EPHA3: variants seen among roughly 807,000 people sequenced by gnomAD.
The protein encoded by EPHA3 is ephrin type-A receptor 3.
Under a neutral mutation model 107.1 loss-of-function variants are expected in EPHA3, and 42 were observed. The ratio of observed to expected loss-of-function variants is 0.39; its 90% CI spans 0.31 to 0.51. The LOEUF is 0.51. Among genes scored for constraint, EPHA3 ranks in the 20% least tolerant of loss-of-function variants. EPHA3 has a pLI of 0.78. For missense variants in EPHA3, 1,183 were observed against 1,211.2 expected (o/e 0.98, Z 0.35); for synonymous variants, 461 against 424.8 (o/e 1.09, Z -1.05).
At chr3:89,388,448 A>G (rs1301732522) in intron 5 of EPHA3, among the ~76,000 whole-genome samples, 1 of 152,202 alleles carries the variant, frequency 6.6e-6, no homozygotes, top group African/African-American at 2.4e-5. Context: ...ACTATTGCCT[A>G]AGGGACTCAG....
chr3:89,369,147 G>A (rs1184883088), intron 5 of EPHA3, among the ~76,000 whole-genome samples: 1 of 150,144 alleles, frequency 6.7e-6, no homozygotes, highest in Non-Finnish European at 1.5e-5. Flanking sequence ...CTCAAGGAAT[G>A]GTAAGAAGGA....
chr3:89,460,823 C>CTCTTTTTTTTTTTTTCTTT (rs1199238290), intron 15 of EPHA3, among the ~76,000 whole-genome samples: 1 of 103,034 alleles, frequency 9.7e-6, no homozygotes, highest in Admixed American at 9.7e-5. Flanking sequence ...CTCTGTCTCT[C>CTCTTTTTTTTTTTTTCTTT]TTTTTTTTTT....
intron 2 of EPHA3, among the ~76,000 whole-genome samples, chr3:89,165,342 A>G (rs555880182): frequency 2.5e-4 from 38 of 152,308 alleles, no homozygotes; most frequent in African/African-American, 8.9e-4. Flanking sequence ...AATCCACCCA[A>G]CATATATTAT....
At chr3:89,346,504 G>T (rs1344529109) in intron 5 of EPHA3, among the ~76,000 whole-genome samples, 1 of 148,166 alleles carries the variant, frequency 6.7e-6, no homozygotes, top group Non-Finnish European at 1.5e-5. Flanking sequence ...GTTCATTGTA[G>T]ATTCTGGATA....
chr3:89,170,211 G>C (rs1224344238), intron 2 of EPHA3, among the ~76,000 whole-genome samples: 1 of 150,642 alleles, frequency 6.6e-6, no homozygotes. Flanking sequence ...AGCAGAGATC[G>C]CGCCACTGCA....
intron 15 of EPHA3, among the ~76,000 whole-genome samples, chr3:89,469,643 T>C (rs1046456412): frequency 6.6e-6 from 1 of 152,216 alleles, no homozygotes; most frequent in African/African-American, 2.4e-5. Context: ...ATTTGCTTCA[T>C]AGATTTTCTC....
chr3:89,145,655 A>G (rs552800410), intron 2 of EPHA3, among the ~76,000 whole-genome samples: 83 of 151,956 alleles, frequency 5.5e-4, no homozygotes, highest in African/African-American at 1.6e-3. Flanking sequence ...TCTATTTCAA[A>G]TAATGTATTA....
chr3:89,258,426 G>A (rs1347863524), intron 3 of EPHA3, among the ~76,000 whole-genome samples: 1 of 152,134 alleles, frequency 6.6e-6, no homozygotes, highest in Non-Finnish European at 1.5e-5. Context: ...TGATAATGTT[G>A]TGCTTATGAG....
intron 2 of EPHA3, among the ~76,000 whole-genome samples, chr3:89,139,094 T>C (rs1704374195): frequency 6.6e-6 from 1 of 151,874 alleles, no homozygotes; most frequent in Non-Finnish European, 1.5e-5. Context: ...AGCTAATTTT[T>C]TAAAAAATGT....
At chr3:89,123,867 G>A (rs1704027147) in intron 1 of EPHA3, among the ~76,000 whole-genome samples, 1 of 152,034 alleles carries the variant, frequency 6.6e-6, no homozygotes, top group Non-Finnish European at 1.5e-5. Flanking sequence ...AAAATAATGT[G>A]TTTTCTGTTA....
chr3:89,270,032 C>T (rs988078904), intron 3 of EPHA3, among the ~76,000 whole-genome samples: 3 of 151,712 alleles, frequency 2.0e-5, no homozygotes, highest in African/African-American at 7.3e-5. Flanking sequence ...AGTAGCTCTT[C>T]GATGGGGCTG....
intron 11 of EPHA3, among the ~76,000 whole-genome samples, chr3:89,425,453 C>A (rs546165827): frequency 3.4e-5 from 5 of 146,436 alleles, no homozygotes; most frequent in Admixed American, 1.4e-4. Flanking sequence ...AGATTGCTAG[C>A]GGCTAAGGTC....
chr3:89,423,385 A>G (rs1709392110), intron 11 of EPHA3, among the ~76,000 whole-genome samples: 1 of 151,302 alleles, frequency 6.6e-6, no homozygotes, highest in Non-Finnish European at 1.5e-5. Context: ...AGAGGTCATC[A>G]TTTAGTAACA....
chr3:89,456,450 C>T (rs1710099264), intron 15 of EPHA3, among the ~76,000 whole-genome samples: 1 of 152,014 alleles, frequency 6.6e-6, no homozygotes, highest in Middle Eastern at 3.4e-3. Context: ...TTATTTTTTT[C>T]TTGGTGGCTA....
intron 5 of EPHA3, among the ~76,000 whole-genome samples, chr3:89,347,300 G>A (rs1707689678): frequency 6.8e-6 from 1 of 146,308 alleles, no homozygotes; most frequent in African/African-American, 2.5e-5. Flanking sequence ...TCTTTGAGCA[G>A]TGGTTTGTAG....
At chr3:89,365,326 T>C (rs1336940994) in intron 5 of EPHA3, among the ~76,000 whole-genome samples, 2 of 150,604 alleles carry the variant, frequency 1.3e-5, no homozygotes, top group African/African-American at 4.8e-5. Flanking sequence ...GAAAGGGCAA[T>C]GGTGGATGGA....
intron 2 of EPHA3, among the ~76,000 whole-genome samples, chr3:89,153,318 A>G (rs972690809): frequency 2.6e-5 from 4 of 152,078 alleles, no homozygotes; most frequent in Non-Finnish European, 5.9e-5. Context: ...GTCCTTCTTC[A>G]TTGACTTTGC....
intron 3 of EPHA3, among the ~76,000 whole-genome samples, chr3:89,242,566 C>A (rs552248801): frequency 1.2e-3 from 185 of 151,828 alleles, no homozygotes; most frequent in African/African-American, 4.3e-3. Flanking sequence ...GCCTCCCCAG[C>A]AGCTGGGACT....
intron 3 of EPHA3, among the ~76,000 whole-genome samples, chr3:89,231,465 C>A (rs531080814): frequency 6.6e-6 from 1 of 152,224 alleles, no homozygotes; most frequent in Admixed American, 6.5e-5. Flanking sequence ...TGCTATTTGC[C>A]TTTTTCCTTC....
Sources: gnomAD v4.1 joint callset for allele counts (sites outside exome capture counted in the v4.1 genomes callset) on GRCh38, gnomAD v4.1.1 for gene constraint, MANE v1.5 for transcripts, NCBI Gene and HGNC (gene_info 2026-07-23, HGNC 2026-07-21) for gene names.